GSK3B: variants seen among roughly 807,000 people sequenced by gnomAD.
The protein encoded by GSK3B is glycogen synthase kinase-3 beta.
Under a neutral mutation model 56.4 loss-of-function variants are expected in GSK3B, and 15 were observed. The ratio of observed to expected loss-of-function variants is 0.27; its 90% CI spans 0.18 to 0.41. The LOEUF (loss-of-function observed/expected upper bound fraction) is 0.41. GSK3B is among the 10% of genes least tolerant of loss of function. The probability of loss-of-function intolerance (pLI) is 1.00; values close to 1 mark genes in which losing one functional copy is unlikely to be tolerated. For synonymous variants in GSK3B, 181 were observed against 188.9 expected (o/e 0.96, Z 0.34); for missense variants, 300 against 513.4 (o/e 0.58, Z 4.02).
chr3:120,037,093 C>G (rs1191394346), intron 1 of GSK3B, among the ~76,000 whole-genome samples: 1 of 152,116 alleles, frequency 6.6e-6, no homozygotes, highest in East Asian at 1.9e-4. Context: ...AAGAAAAATG[C>G]TGAATATACA....
At chr3:120,001,744 G>A (rs570326007) in intron 2 of GSK3B, among the ~76,000 whole-genome samples, 6 of 152,220 alleles carry the variant, frequency 3.9e-5, no homozygotes, top group African/African-American at 9.6e-5. Flanking sequence ...ACAGTACAAC[G>A]GTGAGGACAG....
chr3:119,855,539 T>C (rs139169047), intron 9 of GSK3B, among the ~76,000 whole-genome samples: 445 of 152,314 alleles, frequency 2.9e-3, no homozygotes, highest in African/African-American at 9.8e-3. Flanking sequence ...TGTAAGTTTA[T>C]TGCGGCACTA....
At chr3:119,866,578 T>G (rs1475869901) in intron 8 of GSK3B, 1 of 1,582,948 alleles carries the variant, frequency 6.3e-7, no homozygotes, top group Non-Finnish European at 8.7e-7. Context: ...GAAAAAAAAA[T>G]TAAGTACATA....
intron 1 of GSK3B, chr3:120,041,067 T>TCCAC (rs980112151): frequency 3.2e-5 from 5 of 154,060 alleles, no homozygotes; most frequent in African/African-American, 1.2e-4. Context: ...CTGGTGTGCC[T>TCCAC]CCACAGTAGG....
At chr3:120,006,922 A>C (rs2057733848) in intron 1 of GSK3B, among the ~76,000 whole-genome samples, 1 of 152,076 alleles carries the variant, frequency 6.6e-6, no homozygotes, top group African/African-American at 2.4e-5. Flanking sequence ...TCAGAGCAGA[A>C]GTGAAAGAGA....
intron 1 of GSK3B, among the ~76,000 whole-genome samples, chr3:120,082,703 G>GT (rs2058431880): frequency 6.6e-6 from 1 of 151,640 alleles, no homozygotes; most frequent in African/African-American, 2.4e-5. Context: ...CCCCAAATTA[G>GT]TATGTTCTTT....
intron 1 of GSK3B, among the ~76,000 whole-genome samples, chr3:120,070,019 C>T (rs753908599): frequency 2.0e-4 from 30 of 152,024 alleles, no homozygotes; most frequent in Non-Finnish European, 3.2e-4. Flanking sequence ...TCGAGACCAT[C>T]CTGGCCAAAA....
At chr3:120,058,412 A>G (rs2058208644) in intron 1 of GSK3B, among the ~76,000 whole-genome samples, 1 of 152,170 alleles carries the variant, frequency 6.6e-6, no homozygotes, top group Non-Finnish European at 1.5e-5. Context: ...GGACTAGCCA[A>G]CTTTCAGGGG....
chr3:120,029,424 G>C, intron 1 of GSK3B: 1 of 732,818 alleles, frequency 1.4e-6, no homozygotes, highest in South Asian at 1.4e-5. Flanking sequence ...CTTATGTTTT[G>C]TGGAGCTTCG....
At chr3:120,028,064 T>C (rs576965956) in intron 1 of GSK3B, among the ~76,000 whole-genome samples, 442 of 152,346 alleles carry the variant, frequency 2.9e-3, no homozygotes, top group South Asian at 0.015. Flanking sequence ...AAGAGATGAA[T>C]TGAGTGCCTC....
intron 9 of GSK3B, among the ~76,000 whole-genome samples, chr3:119,846,489 G>A (rs564280373): frequency 1.3e-5 from 2 of 152,142 alleles, no homozygotes; most frequent in African/African-American, 4.8e-5. Flanking sequence ...GATATGAACA[G>A]ACATTTTTCA....
chr3:120,060,288 AAAG>A (rs1282202392), intron 1 of GSK3B, among the ~76,000 whole-genome samples: 1 of 152,186 alleles, frequency 6.6e-6, no homozygotes, highest in African/African-American at 2.4e-5. Flanking sequence ...AAAAGGTGTA[AAAG>A]AAGGCCTAAG....
intron 8 of GSK3B, among the ~76,000 whole-genome samples, chr3:119,872,867 T>C (rs943352730): frequency 5.3e-5 from 8 of 152,188 alleles, no homozygotes; most frequent in African/African-American, 1.7e-4. Flanking sequence ...ACTCTGTATA[T>C]AATAGCCCAT....
chr3:120,016,286 C>T (rs1225194135), intron 1 of GSK3B, among the ~76,000 whole-genome samples: 2 of 152,074 alleles, frequency 1.3e-5, no homozygotes, highest in Non-Finnish European at 2.9e-5. Context: ...TTAATAAGCA[C>T]CTCAAATGCT....
intron 1 of GSK3B, among the ~76,000 whole-genome samples, chr3:120,072,337 C>T (rs1304345698): frequency 2.0e-5 from 3 of 152,140 alleles, no homozygotes; most frequent in African/African-American, 4.8e-5. Flanking sequence ...GCAGGAGGAT[C>T]ACTTGAAGTC....
At chr3:120,060,123 T>C (rs1410264478) in intron 1 of GSK3B, among the ~76,000 whole-genome samples, 1 of 152,170 alleles carries the variant, frequency 6.6e-6, no homozygotes, top group Non-Finnish European at 1.5e-5. Context: ...ATGGTGCTTA[T>C]ATCTTAAAAT....
At chr3:119,895,162 T>C (rs2056548198) in intron 7 of GSK3B, among the ~76,000 whole-genome samples, 1 of 152,158 alleles carries the variant, frequency 6.6e-6, no homozygotes. Flanking sequence ...CACATATTAG[T>C]AAGACCATGC....
intron 2 of GSK3B, among the ~76,000 whole-genome samples, chr3:119,950,970 T>C (rs1013593717): frequency 6.6e-6 from 1 of 151,984 alleles, no homozygotes; most frequent in Admixed American, 6.6e-5. Context: ...GCACTGGCAA[T>C]AAAAATAGCA....
chr3:119,849,414 C>T (rs762347666), intron 9 of GSK3B, among the ~76,000 whole-genome samples: 12 of 152,064 alleles, frequency 7.9e-5, no homozygotes, highest in Non-Finnish European at 1.6e-4. Context: ...ACCATGTGCT[C>T]GATACCTAAA....
Sources: gnomAD v4.1 joint callset for allele counts (sites outside exome capture counted in the v4.1 genomes callset) on GRCh38, gnomAD v4.1.1 for gene constraint, MANE v1.5 for transcripts, NCBI Gene and HGNC (gene_info 2026-07-23, HGNC 2026-07-21) for gene names.